The following XKR6 variants were observed in gnomAD, a reference collection of about 807,000 sequenced individuals.
The protein encoded by XKR6 is XK related 6.
Under a neutral mutation model 56.7 loss-of-function variants are expected in XKR6, and 22 were observed. That is an observed-to-expected ratio of 0.39 (90% CI 0.28 to 0.55). XKR6 has a LOEUF of 0.55. Among genes scored for constraint, XKR6 ranks in the 20% least tolerant of loss-of-function variants. The probability of loss-of-function intolerance (pLI) is 0.66; values close to 1 mark genes in which losing one functional copy is unlikely to be tolerated. For synonymous variants in XKR6, 524 were observed against 387.8 expected (o/e 1.35, Z -4.13); for missense variants, 852 against 889.0 (o/e 0.96, Z 0.53).
At chr8:11,149,770 C>T (rs1443468162) in intron 1 of XKR6, among the ~76,000 whole-genome samples, 4 of 152,104 alleles carry the variant, frequency 2.6e-5, no homozygotes, top group African/African-American at 4.8e-5. Flanking sequence ...GAAAAGAAAT[C>T]GGCACATCAA....
At chr8:11,145,882 T>C (rs973649100) in intron 1 of XKR6, among the ~76,000 whole-genome samples, 8 of 152,022 alleles carry the variant, frequency 5.3e-5, no homozygotes, top group African/African-American at 7.3e-5. Flanking sequence ...CGACCCACAA[T>C]AGTCAAAATG....
intron 1 of XKR6, chr8:11,108,305 T>G: frequency 2.2e-6 from 1 of 456,272 alleles, no homozygotes; most frequent in Non-Finnish European, 4.4e-6. Flanking sequence ...CTGCTGCAGA[T>G]TTAAGTGTTA....
chr8:11,113,283 A>G (rs1284191493), intron 1 of XKR6, among the ~76,000 whole-genome samples: 2 of 152,156 alleles, frequency 1.3e-5, no homozygotes, highest in Admixed American at 1.3e-4. Flanking sequence ...TATTTTTAGG[A>G]GAGTTAAACA....
chr8:10,992,331 T>C (rs1407827419), intron 1 of XKR6, among the ~76,000 whole-genome samples: 1 of 152,018 alleles, frequency 6.6e-6, no homozygotes, highest in Non-Finnish European at 1.5e-5. Context: ...GACCAACAGA[T>C]TTTAGTGGCT....
chr8:10,914,208 C>A (rs758330706), intron 2 of XKR6, among the ~76,000 whole-genome samples: 1 of 152,178 alleles, frequency 6.6e-6, no homozygotes, highest in Non-Finnish European at 1.5e-5. Context: ...GTAACCGCCG[C>A]AACCATGCTT....
intron 1 of XKR6, among the ~76,000 whole-genome samples, chr8:10,944,399 C>T (rs1287586490): frequency 1.3e-5 from 2 of 152,196 alleles, no homozygotes; most frequent in Non-Finnish European, 1.5e-5. Context: ...AAAACAGAAA[C>T]AAGCCTGTCA....
At chr8:11,147,914 T>C (rs570686431) in intron 1 of XKR6, among the ~76,000 whole-genome samples, 125 of 151,862 alleles carry the variant, frequency 8.2e-4, no homozygotes, top group African/African-American at 2.4e-3. Context: ...AAGAGGTAAT[T>C]AAGCTAAAAT....
At chr8:11,078,130 G>A (rs1401757718) in intron 1 of XKR6, among the ~76,000 whole-genome samples, 1 of 152,218 alleles carries the variant, frequency 6.6e-6, no homozygotes, top group African/African-American at 2.4e-5. Context: ...GATTTATTCA[G>A]TCTCATGGAG....
At position 10,922,620 on chromosome 8, in the gene XKR6, A is replaced by G. The variant is rs1405506547; in HGVS notation, c.961+2014T>C. On this transcript the variant is annotated intron_variant, in intron 2 of 2. Transcript: ENST00000416569. ...GCTGCATGTTGTCCATGCTCACACC[A>G]TGTGTTTTCTCAGCGATCCTGTGAG... Among the ~76,000 whole-genome samples the G allele has an allele frequency of 3.3e-5, 5 of 152,126 alleles. 1 individual carries two copies. The highest frequency in any genetic ancestry group is 2.0e-4 in the Admixed American group (3 of 15,280).
chr8:11,106,863 A>AAAAAAAAAAAAAAAGAAAAAAAAAG (rs60435831), intron 1 of XKR6, among the ~76,000 whole-genome samples: 1 of 109,902 alleles, frequency 9.1e-6, no homozygotes, highest in Non-Finnish European at 1.8e-5. Context: ...AAAAAAAAAA[A>AAAAAAAAAAAAAAAGAAAAAAAAAG]AATAAAAAAG....
intron 1 of XKR6, among the ~76,000 whole-genome samples, chr8:11,059,104 T>G (rs1799761201): frequency 6.6e-6 from 1 of 151,970 alleles, no homozygotes; most frequent in African/African-American, 2.4e-5. Context: ...CCAGGCCTCC[T>G]ATCCAGACCA....
At position 11,123,982 on chromosome 8, in the gene XKR6, G is replaced by A. The variant is rs572769526; in HGVS notation, c.764+76594C>T. On this transcript the variant is annotated intron_variant, in intron 1 of 2. Coordinates refer to ENST00000416569, the MANE Select transcript of XKR6 (RefSeq NM_173683.4). ...GTGCTACCTGCTCAGAGGCACTGCC[G>A]TGAGCAGCCTCTCTAAAACAGTCCT... 967 of 456,100 alleles carry A rather than the reference G, an allele frequency of 2.1e-3. 16 individuals are homozygous for A. The highest frequency in any genetic ancestry group is 0.015 in the South Asian group (941 of 64,568). The allele number at this position is 456,100 out of a possible 1,614,324, so 28.3% of individuals were successfully genotyped here.
At chr8:10,915,276 A>C (rs1027665927) in intron 2 of XKR6, among the ~76,000 whole-genome samples, 2 of 152,232 alleles carry the variant, frequency 1.3e-5, no homozygotes, top group Admixed American at 6.5e-5. Context: ...TGATTAGGGA[A>C]GTTATTGAAT....
chr8:10,967,613 C>T (rs536582861), intron 1 of XKR6, among the ~76,000 whole-genome samples: 117 of 152,304 alleles, frequency 7.7e-4, no homozygotes, highest in Middle Eastern at 6.8e-3. Context: ...GCTCTGATCA[C>T]AGGAAGTGGG....
At chr8:11,177,542 T>C (rs943075246) in intron 1 of XKR6, among the ~76,000 whole-genome samples, 1 of 152,164 alleles carries the variant, frequency 6.6e-6, no homozygotes, top group African/African-American at 2.4e-5. Flanking sequence ...AGGGTCACTG[T>C]AGATGTAGTA....
chr8:11,050,595 A>G (rs1799522846), intron 1 of XKR6, among the ~76,000 whole-genome samples: 1 of 151,770 alleles, frequency 6.6e-6, no homozygotes, highest in African/African-American at 2.4e-5. Flanking sequence ...AAAGAGAGAG[A>G]GAACCTGACT....
chr8:10,994,175 G>C (rs144614248), intron 1 of XKR6, among the ~76,000 whole-genome samples: 2 of 152,298 alleles, frequency 1.3e-5, no homozygotes, highest in Non-Finnish European at 1.5e-5. Context: ...CTGTCATCCT[G>C]CCAGGGGGCT....
chr8:11,095,190 TA>T (rs1287883089), intron 1 of XKR6, among the ~76,000 whole-genome samples: 1 of 152,216 alleles, frequency 6.6e-6, no homozygotes, highest in East Asian at 1.9e-4. Flanking sequence ...TGCAAATACG[TA>T]AGTGGACATT....
intron 1 of XKR6, among the ~76,000 whole-genome samples, chr8:11,196,650 C>G (rs1025297255): frequency 6.6e-6 from 1 of 152,224 alleles, no homozygotes; most frequent in Non-Finnish European, 1.5e-5. Flanking sequence ...ATATTCCTCT[C>G]CAAGTGGAAT....
Sources: gnomAD v4.1 joint callset for allele counts (sites outside exome capture counted in the v4.1 genomes callset) on GRCh38, gnomAD v4.1.1 for gene constraint, MANE v1.5 for transcripts, NCBI Gene and HGNC (gene_info 2026-07-23, HGNC 2026-07-21) for gene names.